The following CLSTN2 variants were observed in gnomAD, a reference collection of about 807,000 sequenced individuals.
CLSTN2 encodes the protein calsyntenin-2.
Under a neutral mutation model 101.2 loss-of-function variants are expected in CLSTN2, and 48 were observed. The ratio of observed to expected loss-of-function variants is 0.47; its 90% CI spans 0.38 to 0.60. The LOEUF (loss-of-function observed/expected upper bound fraction) is 0.60, where lower values mean the gene tolerates loss of function less well. Ranked by LOEUF, CLSTN2 falls within the 20% of genes least tolerant of loss-of-function variation. CLSTN2 has a pLI of 0.00. For synonymous variants in CLSTN2, 481 were observed against 463.6 expected, an observed-to-expected ratio of 1.04 and a Z score of -0.48; for missense variants, 1,160 against 1,238.2, an observed-to-expected ratio of 0.94 and a Z score of 0.95.
At chr3:140,431,180 C>T (rs2088624708) in intron 5 of CLSTN2, among the ~76,000 whole-genome samples, 1 of 152,154 alleles carries the variant, frequency 6.6e-6, no homozygotes, top group African/African-American at 2.4e-5. Flanking sequence ...CTTTCATTTC[C>T]TTGATTGAAC....
intron 1 of CLSTN2, among the ~76,000 whole-genome samples, chr3:140,073,303 C>A (rs1379987009): frequency 6.6e-6 from 1 of 152,176 alleles, no homozygotes; most frequent in Non-Finnish European, 1.5e-5. Context: ...AAAAACACAG[C>A]CACATTTACC....
intron 1 of CLSTN2, among the ~76,000 whole-genome samples, chr3:140,155,966 T>C (rs79295203): frequency 0.015 from 2,270 of 146,504 alleles, 63 homozygotes; most frequent in African/African-American, 0.054. Flanking sequence ...ATTTTTTTTT[T>C]CCCATTCAGA....
chr3:140,237,492 G>A (rs555810513), intron 2 of CLSTN2, among the ~76,000 whole-genome samples: 288 of 152,140 alleles, frequency 1.9e-3, no homozygotes, highest in Non-Finnish European at 3.4e-3. Flanking sequence ...CTCGCTATGC[G>A]TCTCCTTCCT....
At chr3:140,196,206 C>A (rs2010641441) in intron 2 of CLSTN2, among the ~76,000 whole-genome samples, 1 of 152,224 alleles carries the variant, frequency 6.6e-6, no homozygotes, top group Non-Finnish European at 1.5e-5. Flanking sequence ...CAGGTTCTGA[C>A]TTTGAAGGCA....
chr3:140,563,440 G>A (rs2107794814), intron 15 of CLSTN2, among the ~76,000 whole-genome samples: 1 of 152,232 alleles, frequency 6.6e-6, no homozygotes, highest in East Asian at 1.9e-4. Flanking sequence ...CAAAGGGCTG[G>A]GACAAAATTT....
intron 1 of CLSTN2, among the ~76,000 whole-genome samples, chr3:139,985,913 ACTT>A (rs1936014345): frequency 1.3e-5 from 2 of 152,182 alleles, no homozygotes. Context: ...GAATTTTTAA[ACTT>A]CATTTAATTT....
intron 6 of CLSTN2, among the ~76,000 whole-genome samples, chr3:140,458,551 C>G (rs2108015522): frequency 6.6e-6 from 1 of 152,292 alleles, no homozygotes; most frequent in Non-Finnish European, 1.5e-5. Flanking sequence ...CCAGTCTTCT[C>G]TGGCAGGACA....
intron 10 of CLSTN2, among the ~76,000 whole-genome samples, chr3:140,556,145 G>A (rs1203591291): frequency 2.0e-5 from 3 of 152,196 alleles, no homozygotes; most frequent in East Asian, 3.9e-4. Context: ...CAAAAGGAGT[G>A]AAAACGCAAG....
chr3:140,466,570 G>A, intron 7 of CLSTN2, 40 bp from the exon 8 acceptor site: 1 of 1,613,444 alleles, frequency 6.2e-7, no homozygotes, highest in Non-Finnish European at 8.5e-7. Flanking sequence ...GGCTGACACA[G>A]GGGTTCTCTC....
At chr3:140,093,446 T>C (rs1263723372) in intron 1 of CLSTN2, among the ~76,000 whole-genome samples, 3 of 152,162 alleles carry the variant, frequency 2.0e-5, no homozygotes, top group African/African-American at 7.2e-5. Context: ...ACTTGTACCC[T>C]GGTTCCTTCC....
At chr3:140,357,207 T>C (rs1284984895) in intron 2 of CLSTN2, among the ~76,000 whole-genome samples, 1 of 152,200 alleles carries the variant, frequency 6.6e-6, no homozygotes, top group Non-Finnish European at 1.5e-5. Flanking sequence ...CTAACAGATT[T>C]TCATTTTTCT....
At chr3:140,106,330 A>G (rs2009058018) in intron 1 of CLSTN2, among the ~76,000 whole-genome samples, 2 of 152,172 alleles carry the variant, frequency 1.3e-5, no homozygotes, top group African/African-American at 2.4e-5. Flanking sequence ...CCCAGAATAG[A>G]CAGATTTGAT....
chr3:140,205,808 C>T (rs1350353492), intron 2 of CLSTN2, among the ~76,000 whole-genome samples: 1 of 152,178 alleles, frequency 6.6e-6, no homozygotes, highest in Non-Finnish European at 1.5e-5. Context: ...AGCTTTTACT[C>T]CCTGATCAAG....
intron 1 of CLSTN2, among the ~76,000 whole-genome samples, chr3:139,974,981 A>G (rs1021050608): frequency 3.3e-5 from 5 of 152,154 alleles, no homozygotes; most frequent in Admixed American, 1.3e-4. Flanking sequence ...TGAGGGTGCT[A>G]TCTCACTCTG....
At chr3:140,075,984 C>T (rs2008480818) in intron 1 of CLSTN2, among the ~76,000 whole-genome samples, 1 of 152,064 alleles carries the variant, frequency 6.6e-6, no homozygotes, top group African/African-American at 2.4e-5. Flanking sequence ...TCCCTGTGTG[C>T]AATACAGTAT....
chr3:139,982,326 T>C (rs1196517885), intron 1 of CLSTN2, among the ~76,000 whole-genome samples: 1 of 151,914 alleles, frequency 6.6e-6, no homozygotes, highest in Non-Finnish European at 1.5e-5. Context: ...ATATTTATAC[T>C]TGTGAATGAT....
intron 2 of CLSTN2, among the ~76,000 whole-genome samples, chr3:140,218,614 C>T (rs1191528946): frequency 1.3e-5 from 2 of 152,156 alleles, no homozygotes; most frequent in African/African-American, 2.4e-5. Flanking sequence ...TACATATCAG[C>T]AACTAGTTCA....
intron 8 of CLSTN2, among the ~76,000 whole-genome samples, chr3:140,480,809 TA>T (rs1934099352): frequency 6.6e-6 from 1 of 152,270 alleles, no homozygotes; most frequent in Non-Finnish European, 1.5e-5. Flanking sequence ...TTTTTTCTCG[TA>T]AATTTGTTGG....
At chr3:140,285,293 C>T (rs754592477) in intron 2 of CLSTN2, among the ~76,000 whole-genome samples, 38 of 152,096 alleles carry the variant, frequency 2.5e-4, no homozygotes, top group Non-Finnish European at 1.2e-4. Flanking sequence ...CTGAAACAGA[C>T]AGCTCATGTG....
Sources: gnomAD v4.1 joint callset for allele counts (sites outside exome capture counted in the v4.1 genomes callset) on GRCh38, gnomAD v4.1.1 for gene constraint, MANE v1.5 for transcripts, NCBI Gene and HGNC (gene_info 2026-07-23, HGNC 2026-07-21) for gene names.